MSI2: variants seen among roughly 807,000 people sequenced by gnomAD.
The protein encoded by MSI2 is musashi RNA binding protein 2.
Under a neutral mutation model 45.6 loss-of-function variants are expected in MSI2, and 17 were observed. That is an observed-to-expected ratio of 0.37 (90% CI 0.26 to 0.56). MSI2 has a LOEUF of 0.56. Among genes scored for constraint, MSI2 ranks in the 20% least tolerant of loss-of-function variants. The pLI is 0.77. For missense variants in MSI2, 293 were observed against 444.2 expected (o/e 0.66, Z 3.06); for synonymous variants, 156 against 158.2 (o/e 0.99, Z 0.11).
chr17:57,261,580 G>T (rs1907313010), intron 4 of MSI2, among the ~76,000 whole-genome samples: 2 of 152,128 alleles, frequency 1.3e-5, no homozygotes, highest in Admixed American at 1.3e-4. Flanking sequence ...TTGCTAAAAT[G>T]AATTAATTAA....
intron 5 of MSI2, among the ~76,000 whole-genome samples, chr17:57,291,993 G>A (rs1330667795): frequency 6.6e-6 from 1 of 152,086 alleles, no homozygotes; most frequent in Non-Finnish European, 1.5e-5. Flanking sequence ...GCAGAGTGCT[G>A]TGCTGGAGAT....
chr17:57,675,979 G>A (rs1348579038), intron 12 of MSI2, among the ~76,000 whole-genome samples: 2 of 152,094 alleles, frequency 1.3e-5, no homozygotes, highest in Non-Finnish European at 2.9e-5. Flanking sequence ...TTTGGAAACA[G>A]AAAATTGGCC....
chr17:57,339,690 C>T (rs769679089), intron 5 of MSI2, among the ~76,000 whole-genome samples: 1 of 152,112 alleles, frequency 6.6e-6, no homozygotes, highest in South Asian at 2.1e-4. Flanking sequence ...TGCTCATGCA[C>T]GTTTGCAGTG....
At chr17:57,636,977 T>C (rs1909885460) in intron 10 of MSI2, among the ~76,000 whole-genome samples, 1 of 152,100 alleles carries the variant, frequency 6.6e-6, no homozygotes, top group Non-Finnish European at 1.5e-5. Flanking sequence ...ACAGAAATGC[T>C]CCCTGTCAAG....
At chr17:57,334,196 T>C (rs766228756) in intron 5 of MSI2, among the ~76,000 whole-genome samples, 4 of 152,100 alleles carry the variant, frequency 2.6e-5, no homozygotes, top group East Asian at 1.9e-4. Context: ...AAAGTGAGAG[T>C]AGGTTTAGAA....
At chr17:57,432,197 G>A (rs956149822) in intron 6 of MSI2, among the ~76,000 whole-genome samples, 2 of 152,100 alleles carry the variant, frequency 1.3e-5, no homozygotes, top group African/African-American at 2.4e-5. Context: ...ACGGAATTTC[G>A]GCTTTGGAAG....
At chr17:57,677,914 G>C (rs776886960) in intron 13 of MSI2, among the ~76,000 whole-genome samples, 5 of 152,200 alleles carry the variant, frequency 3.3e-5, no homozygotes, top group African/African-American at 7.2e-5. Flanking sequence ...TTGTGAAAGC[G>C]CTAGATGTGT....
chr17:57,574,334 A>G (rs1242199612), intron 7 of MSI2, among the ~76,000 whole-genome samples: 2 of 152,240 alleles, frequency 1.3e-5, no homozygotes, highest in Admixed American at 6.5e-5. Context: ...AAGAAAGTCC[A>G]TTATACCTCT....
chr17:57,383,434 A>G (rs1254877992), intron 5 of MSI2, among the ~76,000 whole-genome samples: 1 of 152,198 alleles, frequency 6.6e-6, no homozygotes, highest in Non-Finnish European at 1.5e-5. Context: ...AGGCGGGTGG[A>G]TCACCTGAGG....
intron 6 of MSI2, among the ~76,000 whole-genome samples, chr17:57,462,195 A>G (rs2085243937): frequency 6.6e-6 from 1 of 152,148 alleles, no homozygotes; most frequent in East Asian, 1.9e-4. Flanking sequence ...CCCTGTGCTC[A>G]TGCCTGGGCC....
chr17:57,328,975 A>G (rs1253708346), intron 5 of MSI2, among the ~76,000 whole-genome samples: 2 of 152,156 alleles, frequency 1.3e-5, no homozygotes, highest in Admixed American at 6.5e-5. Context: ...TGATTAAGAA[A>G]GTAGATCTCT....
At chr17:57,315,892 T>G (rs1326471044) in intron 5 of MSI2, among the ~76,000 whole-genome samples, 1 of 152,102 alleles carries the variant, frequency 6.6e-6, no homozygotes, top group Non-Finnish European at 1.5e-5. Flanking sequence ...CTGTCTAAAT[T>G]AGGTCCTTGC....
intron 6 of MSI2, among the ~76,000 whole-genome samples, chr17:57,462,793 G>T (rs2085255797): frequency 6.6e-6 from 1 of 152,228 alleles, no homozygotes; most frequent in South Asian, 2.1e-4. Context: ...CTGTAATGTG[G>T]CAGAGGCCTC....
At chr17:57,474,677 T>C (rs1187599424) in intron 6 of MSI2, among the ~76,000 whole-genome samples, 5 of 150,954 alleles carry the variant, frequency 3.3e-5, no homozygotes, top group Admixed American at 1.3e-4. Flanking sequence ...TGTGGGAATA[T>C]GACTTTGTGT....
At chr17:57,543,284 A>G (rs1008476642) in intron 7 of MSI2, among the ~76,000 whole-genome samples, 25 of 152,182 alleles carry the variant, frequency 1.6e-4, no homozygotes, top group African/African-American at 3.1e-4. Flanking sequence ...AGAGGGGGGG[A>G]AAATGCCTTT....
chr17:57,295,246 C>T (rs1253025794), intron 5 of MSI2, among the ~76,000 whole-genome samples: 1 of 152,170 alleles, frequency 6.6e-6, no homozygotes, highest in Non-Finnish European at 1.5e-5. Flanking sequence ...AATACGCCTC[C>T]TGCCCAGCAT....
In MSI2 at chr17:57,679,532, C is replaced by T; in HGVS notation, c.*32-17C>T. 9.5e-7 allele frequency: 1 copy of T among 1,052,854 alleles called. No homozygotes were observed. The highest frequency in any genetic ancestry group is 4.6e-5 in the South Asian group (1 of 21,846). 65.2% of individuals were successfully genotyped at this position (1,052,854 alleles called of 1,614,324 possible). ...TTATGTTTTCTTCTGGACATCCTGG[C>T]CTTCCCTGCCCTGCAGAGCATACCT... On this transcript the variant is annotated splice_polypyrimidine_tract_variant and intron_variant, in intron 13 of 13. Transcript: ENST00000284073.
chr17:57,498,534 TG>T (rs2086026903), intron 6 of MSI2, among the ~76,000 whole-genome samples: 1 of 152,212 alleles, frequency 6.6e-6, no homozygotes, highest in East Asian at 1.9e-4. Flanking sequence ...AGTACCAAAA[TG>T]TGGGATGGAA....
At position 57,583,488 on chromosome 17, in the gene MSI2, C is replaced by CTTTTTTTT. The variant is rs5821192; in HGVS notation, c.455-13368_455-13361dup. ...TACTTTTTTCCTTCTCCCAATGTTT[C>CTTTTTTTT]TTTTTTTTTTTTTTTTTTTGAGACA... On this transcript the variant is annotated intron_variant, in intron 7 of 13. Coordinates refer to ENST00000284073, the MANE Select transcript of MSI2 (RefSeq NM_138962.4). Among the ~76,000 whole-genome samples, 241 of 97,990 alleles carry CTTTTTTTT rather than the reference C, an allele frequency of 2.5e-3. 4 individuals are homozygous for CTTTTTTTT. The highest frequency in any genetic ancestry group is 3.3e-3 in the Non-Finnish European group (160 of 47,920). The allele number at this position is 97,990 out of a possible 152,430, so 64.3% of individuals were successfully genotyped here. A position where few individuals can be genotyped will look rare whatever the true frequency, so the allele number is the denominator to read the frequency against.
Sources: allele counts gnomAD v4.1 joint callset (sites outside exome capture counted in the v4.1 genomes callset), GRCh38; gene constraint gnomAD v4.1.1; transcripts MANE v1.5; gene names NCBI Gene and HGNC (gene_info 2026-07-23, HGNC 2026-07-21).